The following BAHCC1 variants were observed in gnomAD, a reference collection of about 807,000 sequenced individuals.
BAHCC1 encodes the protein BAH domain and coiled-coil containing 1.
Under a neutral mutation model 88.2 loss-of-function variants are expected in BAHCC1, and 43 were observed. The observed-to-expected ratio is 0.49, with a 90% CI of 0.38 to 0.63. The LOEUF (loss-of-function observed/expected upper bound fraction) is 0.63. BAHCC1 is among the 20% of genes least tolerant of loss of function. The pLI, the probability that BAHCC1 is intolerant of heterozygous loss-of-function variation, is 0.00. For missense variants in BAHCC1, 3,023 were observed against 1,654.8 expected (o/e 1.83, Z -14.34); for synonymous variants, 1,510 against 745.5 (o/e 2.03, Z -16.71).
chr17:81,453,350 G>A (rs1179776561), intron 14 of BAHCC1, among the ~76,000 whole-genome samples: 2 of 152,228 alleles, frequency 1.3e-5, no homozygotes, highest in African/African-American at 2.4e-5. Flanking sequence ...TGCCTCTCCC[G>A]GCAGGCCCAT....
chr17:81,442,798 C>T lies in BAHCC1; in HGVS notation c.1449C>T (p.Leu483=), dbSNP rs782406152. The change falls in exon 5 of 28, where the codon CTC becomes CTT. Residue 483 remains leucine (L), a synonymous_variant. Transcript: ENST00000675386. ...GCCCCGAGGCCTCCTTCCCCGGACT[C>T]CCTAAAAGCGGTCTGGACAAAAGCG... The part of the protein sequence containing the change: ...SAGPEASFPG[L]PKSGLDKSGY... The T allele has an allele frequency of 1.3e-6, 1 of 779,584 alleles. No individual in the cohort carries two copies. The highest frequency in any genetic ancestry group is 1.7e-5 in the Admixed American group (1 of 59,036). 48.3% of individuals were successfully genotyped at this position (779,584 alleles called of 1,614,324 possible).
intron 2 of BAHCC1, among the ~76,000 whole-genome samples, chr17:81,409,298 G>A (rs369358001): frequency 6.6e-6 from 1 of 152,248 alleles, no homozygotes; most frequent in Non-Finnish European, 1.5e-5. Flanking sequence ...GGCAGATGGC[G>A]CTGTCCTCTC....
Position 81,443,221 on chromosome 17 carries a change from T to G in BAHCC1, c.1872T>G (p.Pro624=). The change falls in exon 5 of 28, where the codon CCT becomes CCG. Residue 624 remains proline, a synonymous_variant. Transcript: ENST00000675386. ...QQAALLPQEL[P]APPDEVSAMK... The stretch of plus-strand genomic sequence containing the variant: ...CGGCTCTTCTGCCCCAGGAACTGCC[T>G]GCGCCGCCGGACGAGGTCTCAGCCA... 1 of 779,398 alleles carries G rather than the reference T, an allele frequency of 1.3e-6. No individual in the cohort carries two copies. The highest frequency in any genetic ancestry group is 2.4e-6 in the Non-Finnish European group (1 of 417,854). 48.3% of individuals were successfully genotyped at this position (779,398 alleles called of 1,614,324 possible). A position where few individuals can be genotyped will look rare whatever the true frequency, so the allele number is the denominator to read the frequency against.
chr17:81,460,749 C>T (rs368663662), intron 25 of BAHCC1, 43 bp downstream of exon 25: 4 of 776,448 alleles, frequency 5.2e-6, no homozygotes, highest in Admixed American at 1.7e-5. Flanking sequence ...GGGAAGGCAC[C>T]CTCTGGGGGC....
chr17:81,434,762 C>T lies in BAHCC1; in HGVS notation c.359-3608C>T, dbSNP rs1311840714. Among the ~76,000 whole-genome samples, 1 of 151,896 alleles carries T rather than the reference C, an allele frequency of 6.6e-6. No homozygotes were observed. Among genetic ancestry groups the T allele is most frequent in the Non-Finnish European group, 1.5e-5 (1 of 67,960 alleles). ...GGCAGCCTGGGGGGTGGGTTGTGGC[C>T]ACCTCCCCAGATCTGGCAAGAGGAG... On this transcript the variant is annotated intron_variant, in intron 3 of 27. Transcript: ENST00000675386. This position sits in a 1 kb window ranked among gnomAD's most constrained non-coding sequence, Gnocchi z 4.9.
chr17:81,450,651 C>A (rs782352096), intron 11 of BAHCC1, among the ~76,000 whole-genome samples: 5 of 152,198 alleles, frequency 3.3e-5, no homozygotes, highest in Non-Finnish European at 7.3e-5. Flanking sequence ...GTTCAGAGAC[C>A]GGGCAGGGGC....
intron 25 of BAHCC1, 71 bp downstream of exon 25, chr17:81,460,777 CCG>C: frequency 1.3e-6 from 1 of 774,108 alleles, no homozygotes; most frequent in East Asian, 2.4e-5. Flanking sequence ...ACCAGGAGGC[CCG>C]TGGGGTAGGC....
chr17:81,456,601 G>T lies in BAHCC1; in HGVS notation c.4858+16G>T. 1.4e-6 allele frequency: 1 copy of T among 690,872 alleles called. No individual in the cohort carries two copies. The highest frequency in any genetic ancestry group is 1.6e-5 in the South Asian group (1 of 64,102). The allele number at this position is 690,872 out of a possible 1,614,324, so 42.8% of individuals were successfully genotyped here. A position where few individuals can be genotyped will look rare whatever the true frequency, so the allele number is the denominator to read the frequency against. ...CAGGAGGCAGGCAAGTTGCTGGCGTGAGTGGCCACTGCCAGGAGCCCCGGT... is the reference window on the plus strand; with the variant it reads ...CAGGAGGCAGGCAAGTTGCTGGCGTTAGTGGCCACTGCCAGGAGCCCCGGT... On this transcript the variant is annotated intron_variant, in intron 16 of 27. Transcript: ENST00000675386.
intron 2 of BAHCC1, among the ~76,000 whole-genome samples, chr17:81,417,686 G>C (rs6565568): frequency 0.97 from 148,047 of 152,244 alleles, 72,023 homozygotes; most frequent in East Asian, 1. Context: ...CATCACCTCC[G>C]GGCCGTTTCC....
chr17:81,444,860 G>T, intron 8 of BAHCC1, 34 bp downstream of exon 8: 2 of 755,586 alleles, frequency 2.6e-6, no homozygotes, highest in South Asian at 1.4e-5. Flanking sequence ...CTGTACTTGG[G>T]GGGTGCTGTT....
chr17:81,422,013 G>GA (rs1555649653), intron 2 of BAHCC1: 1 of 217,286 alleles, frequency 4.6e-6, no homozygotes, highest in East Asian at 2.0e-4. Flanking sequence ...TTCCTCTCGT[G>GA]ATTTTTTTTT....
At chr17:81,460,427 C>T in intron 24 of BAHCC1, 31 bp downstream of exon 24, 1 of 739,706 alleles carries the variant, frequency 1.4e-6, no homozygotes, top group East Asian at 2.6e-5. Context: ...GGGCAGGGCC[C>T]TGCCTGGGCT....
intron 2 of BAHCC1, among the ~76,000 whole-genome samples, chr17:81,412,588 G>C (rs1360294946): frequency 2.6e-5 from 4 of 152,144 alleles, no homozygotes; most frequent in African/African-American, 4.8e-5. Flanking sequence ...TTCAGCCTGC[G>C]TTGCTGACTC....
At chr17:81,443,767 C>A (rs1555653432) in intron 5 of BAHCC1, 42 bp from the exon 6 acceptor site, 1 of 702,122 alleles carries the variant, frequency 1.4e-6, no homozygotes, top group Admixed American at 2.0e-5. Context: ...GGCTCCCTGG[C>A]CGCCCCAACC....
chr17:81,442,669 C>A lies in BAHCC1; in HGVS notation c.1320C>A (p.Ser440=). ...ACCACGCTGCACCCTATGGAGTCTC[C>A]TATGCCCACCTGAAGGCCGAGGGCA... The part of the protein sequence containing the change: ...APDHAAPYGV[S]YAHLKAEGKG... Residue 440 remains serine (S), a synonymous_variant, in exon 5 of 28, where the codon TCC becomes TCA. Transcript: ENST00000675386. The A allele has an allele frequency of 1.3e-6, 1 of 774,450 alleles. No homozygotes were observed. 48.0% of individuals were successfully genotyped at this position (774,450 alleles called of 1,614,324 possible).
chr17:81,442,969 G>A lies in BAHCC1; in HGVS notation c.1620G>A (p.Lys540=), dbSNP rs1555653085. Residue 540 remains lysine (K), a synonymous_variant, in exon 5 of 28, where the codon AAG becomes AAA. Coordinates refer to ENST00000675386, the MANE Select transcript of BAHCC1 (RefSeq NM_001377448.1). ...EAPAGPPGAQ[K]VARIRHQQHL... Reference sequence around the variant, plus strand: ...CGGCCGGCCCCCCAGGGGCACAGAAGGTGGCCCGCATCAGGCACCAGCAGC... The same window carrying A: ...CGGCCGGCCCCCCAGGGGCACAGAAAGTGGCCCGCATCAGGCACCAGCAGC... 2 of 779,202 alleles carry A rather than the reference G, an allele frequency of 2.6e-6. No homozygotes were observed. The highest frequency in any genetic ancestry group is 2.7e-5 in the South Asian group (2 of 74,616). The allele number at this position is 779,202 out of a possible 1,614,324, so 48.3% of individuals were successfully genotyped here.
chr17:81,422,621 C>T (rs782457748), intron 2 of BAHCC1, among the ~76,000 whole-genome samples: 2 of 152,154 alleles, frequency 1.3e-5, no homozygotes, highest in East Asian at 3.9e-4. Flanking sequence ...ACAGCAGGGT[C>T]CCCCAAGTCC....
At chr17:81,418,227 C>T (rs1330650230) in intron 2 of BAHCC1, among the ~76,000 whole-genome samples, 1 of 152,234 alleles carries the variant, frequency 6.6e-6, no homozygotes, top group East Asian at 1.9e-4. Flanking sequence ...CGAATCTGGA[C>T]AGTTTGCGGG....
At chr17:81,437,489 C>T (rs1712255281) in intron 3 of BAHCC1, among the ~76,000 whole-genome samples, 1 of 152,210 alleles carries the variant, frequency 6.6e-6, no homozygotes, top group Non-Finnish European at 1.5e-5. Context: ...GGTTCTGGTG[C>T]CTGCAGGCCT....
Sources: gnomAD v4.1 joint callset for allele counts (sites outside exome capture counted in the v4.1 genomes callset) on GRCh38, gnomAD v4.1.1 for gene constraint, Gnocchi (gnomAD v3.1) non-coding constraint, MANE v1.5 for transcripts, NCBI Gene and HGNC (gene_info 2026-07-23, HGNC 2026-07-21) for gene names.